The following NF1 variants were observed in gnomAD, a reference collection of about 807,000 sequenced individuals.
NF1 encodes the protein neurofibromin.
In NF1, 122 loss-of-function variants were observed where a neutral mutation model predicts 325.7. The observed-to-expected ratio is 0.37, with a 90% CI of 0.32 to 0.44. NF1 has a LOEUF of 0.44. Among genes scored for constraint, NF1 ranks in the 20% least tolerant of loss-of-function variants. The pLI is 1.00. For missense variants in NF1, 2,140 were observed against 3,415.4 expected (o/e 0.63, Z 9.31); for synonymous variants, 1,091 against 1,186.0 (o/e 0.92, Z 1.65).
rs147719974 is a variant in NF1 at position 31,195,802 on chromosome 17, T to C, written c.889-4620T>C. 1.2e-3 allele frequency among the ~76,000 whole-genome samples: 186 copies of C among 152,206 alleles called. 4 individuals carry two copies. In the East Asian group the frequency reaches 0.034, roughly 27 times the overall value. On this transcript the variant is annotated intron_variant, in intron 8 of 57. Transcript: ENST00000358273. The stretch of plus-strand genomic sequence containing the variant: ...TGAGTGATATATTCCATTGTATATA[T>C]ATACCAACATTTTATTTATCTAAAT...
chr17:31,121,626 A>C (rs1177056310), intron 1 of NF1, among the ~76,000 whole-genome samples: 1 of 152,106 alleles, frequency 6.6e-6, no homozygotes, highest in South Asian at 2.1e-4. Context: ...GAGAGTTTTT[A>C]TCATGAAGGG....
intron 36 of NF1, among the ~76,000 whole-genome samples, chr17:31,306,775 C>G (rs1288555766): frequency 1.3e-5 from 2 of 149,938 alleles, no homozygotes; most frequent in East Asian, 3.9e-4. Context: ...TTGTGTGGAG[C>G]TCTGTTCTAG....
intron 1 of NF1, among the ~76,000 whole-genome samples, chr17:31,139,375 GACACACACACACAC>G (rs58863782): frequency 6.0e-4 from 87 of 144,174 alleles, no homozygotes; most frequent in South Asian, 1.6e-3. Flanking sequence ...GTTTTACACA[GACACACACACACAC>G]ACACACACAC....
intron 14 of NF1, among the ~76,000 whole-genome samples, chr17:31,220,283 A>G (rs2066899388): frequency 6.6e-6 from 1 of 152,224 alleles, no homozygotes. Flanking sequence ...AAAAATGTTT[A>G]TAAAAATATT....
chr17:31,269,591 T>G (rs1219468433), intron 36 of NF1, among the ~76,000 whole-genome samples: 1 of 152,230 alleles, frequency 6.6e-6, no homozygotes, highest in Non-Finnish European at 1.5e-5. Flanking sequence ...ATGTATTAGT[T>G]TCTTGCATGA....
intron 8 of NF1, among the ~76,000 whole-genome samples, chr17:31,187,862 A>G (rs2066271268): frequency 6.6e-6 from 1 of 152,136 alleles, no homozygotes; most frequent in Non-Finnish European, 1.5e-5. Context: ...TAAGATTGCC[A>G]CCTGGACACA....
At position 31,219,123 on chromosome 17, in the gene NF1, G is replaced by C. The variant is rs2066878047; in HGVS notation, c.1641+5G>C. ...ATTGCTCAGGAAGCAATGGAGGTAAGGGGAAAATGAATTCCATGTTCTTGA... is the reference window on the plus strand; with the variant it reads ...ATTGCTCAGGAAGCAATGGAGGTAACGGGAAAATGAATTCCATGTTCTTGA... On this transcript the variant is annotated splice_donor_5th_base_variant and intron_variant, in intron 14 of 57. Transcript: ENST00000358273. The C allele has an allele frequency of 6.2e-7, 1 of 1,612,006 alleles. No homozygotes were observed. Among genetic ancestry groups the C allele is most frequent in the Non-Finnish European group, 8.5e-7 (1 of 1,178,894 alleles).
intron 36 of NF1, chr17:31,304,637 T>C: frequency 6.2e-7 from 1 of 1,614,214 alleles, no homozygotes; most frequent in Non-Finnish European, 8.5e-7. Context: ...GTTCCAACTG[T>C]TGAACCATCA....
Position 31,098,616 on chromosome 17 carries a change from G to A in NF1, c.60+3247G>A, listed in dbSNP as rs898809948. Among the ~76,000 whole-genome samples the A allele has an allele frequency of 2.0e-5, 3 of 152,102 alleles. No homozygotes were observed. In the East Asian group the frequency reaches 5.8e-4, roughly 29 times the overall value. ...ATTGAGGGGAGAAAAAGCCCTGCATGTACTGAGAGATAGTTGTATAAGAAT... is the reference window on the plus strand; with the variant it reads ...ATTGAGGGGAGAAAAAGCCCTGCATATACTGAGAGATAGTTGTATAAGAAT... On this transcript the variant is annotated intron_variant, in intron 1 of 57. Coordinates refer to ENST00000358273, the MANE Select transcript of NF1 (RefSeq NM_001042492.3).
At chr17:31,321,368 C>G (rs1468890652) in intron 36 of NF1, 1 of 152,040 alleles carries the variant, frequency 6.6e-6, no homozygotes, top group African/African-American at 2.4e-5. Flanking sequence ...AAAAAGTATA[C>G]ATTTTCAGTC....
chr17:31,334,720 C>T, intron 39 of NF1, 118 bp from the exon 40 acceptor site: 1 of 778,906 alleles, frequency 1.3e-6, no homozygotes. Context: ...TTTCTCCAGG[C>T]CTGATTCTAG....
At chr17:31,319,875 T>TA (rs890962383) in intron 36 of NF1, among the ~76,000 whole-genome samples, 15 of 150,942 alleles carry the variant, frequency 9.9e-5, no homozygotes, top group East Asian at 3.9e-4. Context: ...GACATAATTG[T>TA]AAAAAAAAAT....
chr17:31,318,162 C>T, intron 36 of NF1: 1 of 997,740 alleles, frequency 1.0e-6, no homozygotes, highest in Non-Finnish European at 1.5e-6. Flanking sequence ...ATACTTCTCC[C>T]TGTCTCACCT....
intron 36 of NF1, among the ~76,000 whole-genome samples, chr17:31,322,529 A>G (rs1474252781): frequency 7.8e-6 from 1 of 128,780 alleles, no homozygotes; most frequent in East Asian, 2.2e-4. Context: ...AAAAAAAAAA[A>G]AAAAAAAGAA....
intron 1 of NF1, among the ~76,000 whole-genome samples, chr17:31,116,399 G>T (rs1913915481): frequency 6.6e-6 from 1 of 152,082 alleles, no homozygotes; most frequent in Non-Finnish European, 1.5e-5. Context: ...GTGCGTGGTG[G>T]TGTGTGGAGT....
chr17:31,169,237 C>A (rs184616691), intron 4 of NF1, among the ~76,000 whole-genome samples: 1 of 152,042 alleles, frequency 6.6e-6, no homozygotes, highest in African/African-American at 2.4e-5. Context: ...TGTTTTCAAG[C>A]CCAAGGTGAC....
intron 32 of NF1, 66 bp downstream of exon 32, chr17:31,258,568 C>T (rs1292937627): frequency 2.0e-6 from 3 of 1,481,182 alleles, no homozygotes; most frequent in Admixed American, 3.5e-5. Flanking sequence ...GCTTTTCTTA[C>T]AGTACTTCCT....
intron 11 of NF1, among the ~76,000 whole-genome samples, chr17:31,205,764 T>C (rs964513673): frequency 1.3e-5 from 2 of 152,160 alleles, no homozygotes; most frequent in African/African-American, 4.8e-5. Flanking sequence ...TGTAAACATA[T>C]AAGTAATGGT....
intron 31 of NF1, chr17:31,254,287 A>G (rs1213180245): frequency 1.3e-5 from 2 of 151,144 alleles, no homozygotes; most frequent in Non-Finnish European, 2.9e-5. Flanking sequence ...AAAAAAAAAA[A>G]AAAAAGAAAA....
Sources: gnomAD v4.1 joint callset for allele counts (sites outside exome capture counted in the v4.1 genomes callset) on GRCh38, gnomAD v4.1.1 for gene constraint, MANE v1.5 for transcripts, NCBI Gene and HGNC (gene_info 2026-07-23, HGNC 2026-07-21) for gene names.